MYEF2: variants seen among roughly 807,000 people sequenced by gnomAD.
MYEF2 encodes myelin gene expression factor 2.
A neutral mutation model predicts 75.2 loss-of-function variants in MYEF2; 37 were observed. The ratio of observed to expected loss-of-function variants is 0.49; its 90% CI spans 0.38 to 0.65. The LOEUF (loss-of-function observed/expected upper bound fraction) is 0.65, where lower values mean the gene tolerates loss of function less well. Ranked by LOEUF, MYEF2 falls within the 30% of genes least tolerant of loss-of-function variation. MYEF2 has a pLI of 0.00. For synonymous variants in MYEF2, 195 were observed against 241.6 expected (o/e 0.81, Z 1.79); for missense variants, 634 against 771.4 (o/e 0.82, Z 2.11).
chr15:48,165,830 TA>T (rs914805686), intron 5 of MYEF2, 102 bp downstream of exon 5: 51 of 797,692 alleles, frequency 6.4e-5, no homozygotes, highest in Non-Finnish European at 8.8e-5. Context: ...ACCTATGTTT[TA>T]AAAAAAAGTT....
intron 16 of MYEF2, among the ~76,000 whole-genome samples, chr15:48,144,315 C>T (rs2039198900): frequency 6.6e-6 from 1 of 151,954 alleles, no homozygotes; most frequent in Non-Finnish European, 1.5e-5. Flanking sequence ...AATCTCTTAC[C>T]TATAACATGA....
In MYEF2 at chr15:48,140,081, A is replaced by T. The variant is rs2039015316; in HGVS notation, c.*2827T>A. 1 of 151,982 alleles carries T rather than the reference A, an allele frequency of 6.6e-6. No individual in the cohort carries two copies. Among genetic ancestry groups the T allele is most frequent in the Non-Finnish European group, 1.5e-5 (1 of 67,940 alleles). 9.4% of individuals were successfully genotyped at this position (151,982 alleles called of 1,614,324 possible). On this transcript the variant is annotated 3_prime_UTR_variant, in exon 17 of 17. Coordinates refer to ENST00000324324, the MANE Select transcript of MYEF2 (RefSeq NM_016132.5). ...ATAGTATGCTAGCAAAAAGTGGACT[A>T]CTTCTTCCTTTTTTTAATGAGAAAA...
intron 9 of MYEF2, among the ~76,000 whole-genome samples, chr15:48,154,895 A>C (rs2039633910): frequency 6.6e-6 from 1 of 152,166 alleles, no homozygotes; most frequent in Non-Finnish European, 1.5e-5. Context: ...GAGCAATGAT[A>C]GTATAATTCA....
chr15:48,149,132 T>A lies in MYEF2; in HGVS notation c.1587+31A>T, dbSNP rs1329139679. 6.2e-7 allele frequency: 1 copy of A among 1,612,532 alleles called. No homozygotes were observed. On this transcript the variant is annotated intron_variant, in intron 15 of 16. Transcript: ENST00000324324. This position sits in a 1 kb window ranked among gnomAD's most constrained non-coding sequence, Gnocchi z 4.0. ...AACATATATACAAGAAAAAAAAGAATTTGAATTATCCTTAATATTTATTTG... is the reference window on the plus strand; with the variant it reads ...AACATATATACAAGAAAAAAAAGAAATTGAATTATCCTTAATATTTATTTG...
chr15:48,143,907 G>A (rs79878027), intron 16 of MYEF2, among the ~76,000 whole-genome samples: 6,725 of 152,016 alleles, frequency 0.044, 502 homozygotes, highest in African/African-American at 0.16. Context: ...GAGTAAAAGG[G>A]GGAGTTATCA....
chr15:48,147,732 A>G (rs2039343431), intron 16 of MYEF2, among the ~76,000 whole-genome samples: 1 of 152,024 alleles, frequency 6.6e-6, no homozygotes, highest in African/African-American at 2.4e-5. Flanking sequence ...AGGATGATCA[A>G]GAAAGAGAGT....
At chr15:48,152,007 A>G in intron 11 of MYEF2, 65 bp from the exon 12 acceptor site, 1 of 1,506,476 alleles carries the variant, frequency 6.6e-7, no homozygotes. Context: ...TACGTTTTGT[A>G]AATGTTAAAT....
chr15:48,157,787 A>G (rs2039758720), intron 9 of MYEF2: 1 of 1,312,160 alleles, frequency 7.6e-7, no homozygotes, highest in African/African-American at 1.5e-5. Flanking sequence ...TAGTCAGGAA[A>G]AGTTACCAAA....
At chr15:48,164,951 C>G (rs1464492689) in intron 5 of MYEF2, among the ~76,000 whole-genome samples, 1 of 152,068 alleles carries the variant, frequency 6.6e-6, no homozygotes, top group East Asian at 1.9e-4. Context: ...GTTATATTTG[C>G]TTTATTGCAG....
intron 16 of MYEF2, among the ~76,000 whole-genome samples, chr15:48,146,524 T>C (rs530501881): frequency 1.2e-4 from 18 of 152,040 alleles, no homozygotes; most frequent in African/African-American, 3.1e-4. Context: ...TAACCCATAA[T>C]ATAACATTTA....
intron 5 of MYEF2, among the ~76,000 whole-genome samples, chr15:48,162,233 A>AC (rs2039967763): frequency 6.6e-6 from 1 of 152,128 alleles, no homozygotes; most frequent in African/African-American, 2.4e-5. Context: ...GACAGGAGTA[A>AC]CAATCATCAT....
intron 1 of MYEF2, among the ~76,000 whole-genome samples, chr15:48,170,094 A>G (rs2040270596): frequency 6.6e-6 from 1 of 151,994 alleles, no homozygotes; most frequent in South Asian, 2.1e-4. Context: ...CACAAACAAT[A>G]GGGTTTTTTG....
At chr15:48,154,051 G>A (rs943184556) in intron 9 of MYEF2, 158 bp from the exon 10 acceptor site, 1 of 549,298 alleles carries the variant, frequency 1.8e-6, no homozygotes, top group Non-Finnish European at 3.2e-6. Flanking sequence ...CTAGAAAGTA[G>A]CACACTGAAG....
chr15:48,167,229 G>T, intron 3 of MYEF2, 120 bp downstream of exon 3: 4 of 959,014 alleles, frequency 4.2e-6, no homozygotes, highest in East Asian at 2.6e-5. Flanking sequence ...CTCAAATCTT[G>T]CATAATAAAG....
chr15:48,163,463 T>C (rs2040024002), intron 5 of MYEF2, among the ~76,000 whole-genome samples: 1 of 152,170 alleles, frequency 6.6e-6, no homozygotes, highest in Non-Finnish European at 1.5e-5. Context: ...AGAAGCCATC[T>C]CTATAACATA....
Position 48,159,674 on chromosome 15 carries a change from G to A in MYEF2, c.656C>T (p.Pro219Leu). Residue 219 changes from proline (P) to leucine (L), a missense_variant, in exon 6 of 17, where the codon CCT becomes CTT. Physicochemically the swap from Pro to Leu is moderately conservative, Grantham distance 98 (BLOSUM62 -3). Transcript: ENST00000324324. ...PPSILNNPNIPPEVISNLQAG... is the reference protein window; with the variant it reads ...PPSILNNPNILPEVISNLQAG... The stretch of plus-strand genomic sequence containing the variant: ...CTGCAAATTACTGATGACTTCAGGA[G>A]GAATGTTTGGATTATTGAGTATGGA... The A allele has an allele frequency of 1.2e-6, 2 of 1,613,652 alleles. No homozygotes were observed. Among genetic ancestry groups the A allele is most frequent in the Non-Finnish European group, 1.7e-6 (2 of 1,179,750 alleles).
At position 48,149,185 on chromosome 15, in the gene MYEF2, C is replaced by T. The variant is rs1337019658; in HGVS notation, c.1565G>A (p.Gly522Asp). The T allele has an allele frequency of 1.9e-6, 3 of 1,613,278 alleles. No homozygotes were observed. The highest frequency in any genetic ancestry group is 1.7e-6 in the Non-Finnish European group (2 of 1,179,426). ...SGMRERIGSK[G>D]NQIFVRNLPF... ...TACATTTCTGACAAATATCTGGTTGCCTTTGGAGCCTATTCTCTCTCTCAT... is the reference window on the plus strand; with the variant it reads ...TACATTTCTGACAAATATCTGGTTGTCTTTGGAGCCTATTCTCTCTCTCAT... Residue 522 changes from glycine (G) to aspartate (D), a missense_variant, in exon 15 of 17, where the codon GGC becomes GAC. Coordinates refer to ENST00000324324, the MANE Select transcript of MYEF2 (RefSeq NM_016132.5). This position sits in a 1 kb window ranked among gnomAD's most constrained non-coding sequence, Gnocchi z 4.0.
chr15:48,148,882 T>C, intron 16 of MYEF2, 150 bp downstream of exon 16: 1 of 749,806 alleles, frequency 1.3e-6, no homozygotes, highest in Non-Finnish European at 2.3e-6. Context: ...AATTCATTTA[T>C]TTGAAGTGGA....
chr15:48,134,637 G>A lies in MYEF2; in HGVS notation c.*8271C>T. 1.1e-6 allele frequency: 1 copy of A among 874,502 alleles called. No homozygotes were observed. The highest frequency in any genetic ancestry group is 1.8e-6 in the Non-Finnish European group (1 of 556,648). The allele number at this position is 874,502 out of a possible 1,614,324, so 54.2% of individuals were successfully genotyped here. On this transcript the variant is annotated 3_prime_UTR_variant, in exon 17 of 17. Coordinates refer to ENST00000324324, the MANE Select transcript of MYEF2 (RefSeq NM_016132.5). ...GGACAACAGGGCACTAATAATATGT[G>A]CAATCAAATTTATTAATCAGTAGAA...
Sources: gnomAD v4.1 joint callset for allele counts (sites outside exome capture counted in the v4.1 genomes callset) on GRCh38, gnomAD v4.1.1 for gene constraint, Gnocchi (gnomAD v3.1) non-coding constraint, MANE v1.5 for transcripts, NCBI Gene and HGNC (gene_info 2026-07-23, HGNC 2026-07-21) for gene names.